Variants in ROBO2 observed in about 807,000 individuals in gnomAD.
ROBO2 encodes the protein roundabout guidance receptor 2, also known as roundabout homolog 2.
In ROBO2, 53 loss-of-function variants were observed where a neutral mutation model predicts 160.8. The observed-to-expected ratio is 0.33, with a 90% CI of 0.26 to 0.41. ROBO2 has a LOEUF of 0.41. ROBO2 is among the 10% of genes least tolerant of loss of function. The pLI is 1.00. For synonymous variants in ROBO2, 664 were observed against 611.7 expected, an observed-to-expected ratio of 1.09 and a Z score of -1.26; for missense variants, 1,577 against 1,722.4, an observed-to-expected ratio of 0.92 and a Z score of 1.49.
intron 2 of ROBO2, among the ~76,000 whole-genome samples, chr3:76,095,070 G>A (rs992804590): frequency 2.0e-5 from 3 of 152,062 alleles, no homozygotes; most frequent in Admixed American, 1.3e-4. Flanking sequence ...AAGCGATATG[G>A]AAGACACACT....
Position 77,040,862 on chromosome 3 carries a change from T to G in ROBO2, c.61+16T>G, listed in dbSNP as rs1486847713. 1.2e-6 allele frequency: 2 copies of G among 1,614,012 alleles called. No individual in the cohort carries two copies. Among genetic ancestry groups the G allele is most frequent in the African/African-American group, 1.3e-5 (1 of 74,916 alleles). ...CGGGTTGATGGTAAGTTAAAAATGC[T>G]TTCATCTTTTTTTGCGCCCCCCACC... On this transcript the variant is annotated intron_variant, in intron 1 of 25. Coordinates refer to ENST00000461745, the Ensembl canonical transcript of ROBO2.
chr3:76,893,508 A>G (rs757108156), intron 2 of ROBO2, among the ~76,000 whole-genome samples: 4 of 152,086 alleles, frequency 2.6e-5, no homozygotes, highest in Non-Finnish European at 5.9e-5. Context: ...AAATAATTTC[A>G]ATTAGTTCAT....
intron 2 of ROBO2, among the ~76,000 whole-genome samples, chr3:75,975,787 C>T (rs1277060510): frequency 6.6e-6 from 1 of 151,468 alleles, no homozygotes; most frequent in East Asian, 2.0e-4. Flanking sequence ...AATTTATTAG[C>T]ATAAAATAAC....
rs1290978561 is a variant in ROBO2, at chr3:77,222,954, C to A, written c.388+124614C>A. On this transcript the variant is annotated intron_variant, in intron 2 of 25. Transcript: ENST00000461745. ...ATGCATGAACTGTTGTTTTGGTAAT[C>A]CACTTCACCCTGTCAAAATAGAATC... is the stretch of plus-strand genomic sequence containing the variant. Among the ~76,000 whole-genome samples, 3 of 152,144 alleles carry A rather than the reference C, an allele frequency of 2.0e-5. No individual in the cohort carries two copies. In the East Asian group the frequency reaches 5.8e-4, roughly 29 times the overall value.
intron 2 of ROBO2, among the ~76,000 whole-genome samples, chr3:75,983,710 T>G (rs578162810): frequency 6.6e-6 from 1 of 151,306 alleles, no homozygotes; most frequent in Admixed American, 6.6e-5. Flanking sequence ...CCTAACTGAA[T>G]TTTTGATATC....
intron 2 of ROBO2, among the ~76,000 whole-genome samples, chr3:76,179,170 T>C (rs1168826118): frequency 2.0e-5 from 3 of 152,124 alleles, no homozygotes; most frequent in Admixed American, 6.6e-5. Flanking sequence ...ATGAGACATA[T>C]TCCTGATGGC....
At chr3:77,160,626 C>A (rs1394770382) in intron 2 of ROBO2, among the ~76,000 whole-genome samples, 2 of 152,114 alleles carry the variant, frequency 1.3e-5, no homozygotes, top group Non-Finnish European at 2.9e-5. Flanking sequence ...ATTTCAGTAA[C>A]TGTGGCGAAA....
chr3:77,142,258 C>T (rs2076763936), intron 2 of ROBO2, among the ~76,000 whole-genome samples: 1 of 151,968 alleles, frequency 6.6e-6, no homozygotes, highest in Admixed American at 6.6e-5. Context: ...AATACACTGT[C>T]CTTAATATTC....
chr3:76,374,309 A>G (rs2108502762), intron 2 of ROBO2, among the ~76,000 whole-genome samples: 1 of 152,146 alleles, frequency 6.6e-6, no homozygotes, highest in South Asian at 2.1e-4. Flanking sequence ...CATCGTTAAT[A>G]TCTTAATCCT....
intron 2 of ROBO2, among the ~76,000 whole-genome samples, chr3:76,599,426 A>G (rs2086961651): frequency 6.6e-6 from 1 of 152,170 alleles, no homozygotes; most frequent in African/African-American, 2.4e-5. Flanking sequence ...ATGGCTGCAT[A>G]GTATTCCATA....
At chr3:77,347,990 C>T (rs1191377117) in intron 2 of ROBO2, among the ~76,000 whole-genome samples, 2 of 152,220 alleles carry the variant, frequency 1.3e-5, no homozygotes, top group East Asian at 3.9e-4. Flanking sequence ...TTCCTAAAAA[C>T]TGCTCCACCC....
At chr3:76,036,705 T>C (rs1016485216) in intron 2 of ROBO2, among the ~76,000 whole-genome samples, 1 of 151,332 alleles carries the variant, frequency 6.6e-6, no homozygotes, top group African/African-American at 2.4e-5. Flanking sequence ...GATTTCTCCA[T>C]GTTGGTGAGG....
chr3:76,860,654 T>C (rs1490989210), intron 2 of ROBO2, among the ~76,000 whole-genome samples: 1 of 152,126 alleles, frequency 6.6e-6, no homozygotes, highest in African/African-American at 2.4e-5. Context: ...TGCCAACCTT[T>C]CTTGCAACCT....
intron 6 of ROBO2, among the ~76,000 whole-genome samples, chr3:77,523,839 C>T (rs945596505): frequency 6.6e-6 from 1 of 151,358 alleles, no homozygotes; most frequent in Admixed American, 6.6e-5. Flanking sequence ...TGCATGTTTT[C>T]ATCCAAGTCT....
At chr3:76,290,218 G>C (rs1254941776) in intron 2 of ROBO2, among the ~76,000 whole-genome samples, 2 of 151,998 alleles carry the variant, frequency 1.3e-5, no homozygotes, top group Admixed American at 1.3e-4. Flanking sequence ...TCTTTCACCA[G>C]TGTTTTGTAA....
At chr3:77,632,725 C>A in intron 23 of ROBO2, 2 of 1,351,350 alleles carry the variant, frequency 1.5e-6, no homozygotes, top group East Asian at 2.5e-5. Context: ...CCTCTTTTCT[C>A]CTGTTCTTTC....
At chr3:77,104,874 T>C (rs2072569383) in intron 2 of ROBO2, among the ~76,000 whole-genome samples, 1 of 152,168 alleles carries the variant, frequency 6.6e-6, no homozygotes, top group Non-Finnish European at 1.5e-5. Flanking sequence ...AAACAACGGA[T>C]GGCCACAAAG....
chr3:76,233,560 C>G (rs1464786993), intron 2 of ROBO2, among the ~76,000 whole-genome samples: 1 of 152,196 alleles, frequency 6.6e-6, no homozygotes, highest in Non-Finnish European at 1.5e-5. Context: ...GCTTCAGTCT[C>G]TCCCATTTGA....
chr3:76,077,660 A>G (rs1205121548), intron 2 of ROBO2, among the ~76,000 whole-genome samples: 1 of 152,160 alleles, frequency 6.6e-6, no homozygotes, highest in Non-Finnish European at 1.5e-5. Context: ...ACTATTATTT[A>G]AAAAAAGAAG....
Sources: allele counts gnomAD v4.1 joint callset (sites outside exome capture counted in the v4.1 genomes callset), GRCh38; gene constraint gnomAD v4.1.1; transcripts MANE v1.5; gene names NCBI Gene and HGNC (gene_info 2026-07-23, HGNC 2026-07-21).